The following DPF3 variants were observed in gnomAD, a reference collection of about 807,000 sequenced individuals.
DPF3 encodes the protein zinc finger protein DPF3.
Under a neutral mutation model 56.8 loss-of-function variants are expected in DPF3, and 18 were observed. The ratio of observed to expected loss-of-function variants is 0.32; its 90% CI spans 0.22 to 0.47. The LOEUF is 0.47. DPF3 is among the 20% of genes least tolerant of loss of function. The pLI, the probability that DPF3 is intolerant of heterozygous loss-of-function variation, is 1.00. For synonymous variants in DPF3, 188 were observed against 180.2 expected, an observed-to-expected ratio of 1.04 and a Z score of -0.35; for missense variants, 403 against 488.8, an observed-to-expected ratio of 0.82 and a Z score of 1.65.
chr14:72,678,167 C>T (rs182054447), intron 7 of DPF3, among the ~76,000 whole-genome samples: 6 of 152,308 alleles, frequency 3.9e-5, no homozygotes, highest in East Asian at 3.9e-4. Context: ...TTGGGCTCTT[C>T]GAAGGCAGGT....
intron 1 of DPF3, among the ~76,000 whole-genome samples, chr14:72,798,210 C>CA (rs1183665466): frequency 7.4e-6 from 1 of 135,204 alleles, no homozygotes; most frequent in Non-Finnish European, 1.5e-5. Flanking sequence ...GCCAGGATCG[C>CA]ACCACGGCAC....
At chr14:72,657,960 GAAAAC>G (rs1377799091) in intron 8 of DPF3, among the ~76,000 whole-genome samples, 1 of 151,826 alleles carries the variant, frequency 6.6e-6, no homozygotes, top group Non-Finnish European at 1.5e-5. Context: ...CCCAACAAAA[GAAAAC>G]AAAACCAGAA....
chr14:72,756,822 C>CAGAAAGAGAGAAAGAAAGAA (rs1197343194), intron 2 of DPF3, among the ~76,000 whole-genome samples: 4 of 70,008 alleles, frequency 5.7e-5, no homozygotes, highest in Admixed American at 3.5e-4. Context: ...GAAAGAAAGA[C>CAGAAAGAGAGAAAGAAAGAA]AGAAAGAAAG....
chr14:72,868,574 C>T (rs1885772298), intron 1 of DPF3, among the ~76,000 whole-genome samples: 1 of 152,158 alleles, frequency 6.6e-6, no homozygotes, highest in African/African-American at 2.4e-5. Flanking sequence ...ACAGGTGCCC[C>T]TCCTGTAGGT....
At chr14:72,858,208 T>G (rs1885244234) in intron 1 of DPF3, among the ~76,000 whole-genome samples, 1 of 150,500 alleles carries the variant, frequency 6.6e-6, no homozygotes, top group Non-Finnish European at 1.5e-5. Flanking sequence ...CTCAGGAGGC[T>G]AAGGTGGGAC....
intron 2 of DPF3, among the ~76,000 whole-genome samples, chr14:72,761,214 A>G (rs1891057924): frequency 6.6e-6 from 1 of 152,140 alleles, no homozygotes; most frequent in Non-Finnish European, 1.5e-5. Context: ...AACATTATCA[A>G]CCAATTTGAC....
intron 6 of DPF3, among the ~76,000 whole-genome samples, chr14:72,707,678 G>A (rs537512365): frequency 2.5e-4 from 13 of 52,538 alleles, no homozygotes; most frequent in African/African-American, 5.1e-4. Context: ...TTCTGTGTGC[G>A]TGTGTGTGTG....
chr14:72,717,864 C>G (rs1291138228), intron 5 of DPF3, among the ~76,000 whole-genome samples: 1 of 152,208 alleles, frequency 6.6e-6, no homozygotes, highest in African/African-American at 2.4e-5. Context: ...ACTGCCCACC[C>G]TACTTCATTC....
rs369878865 is a variant in DPF3 at position 72,853,733 on chromosome 14, G to A, written c.32+40324C>T. Among the ~76,000 whole-genome samples, 13 of 152,160 alleles carry A rather than the reference G, an allele frequency of 8.5e-5. No homozygotes were observed. The East Asian group carries it at 2.3e-3, about 27-fold the overall frequency. Reference sequence around the variant, plus strand: ...GCCTGCCTTAGGCTCCCAAAGACCTGGGATTACAGGCATGAGCCACCATGC... The same window carrying A: ...GCCTGCCTTAGGCTCCCAAAGACCTAGGATTACAGGCATGAGCCACCATGC... On this transcript the variant is annotated intron_variant, in intron 1 of 10. Transcript: ENST00000556509.
intron 8 of DPF3, among the ~76,000 whole-genome samples, chr14:72,638,573 C>T (rs1885452548): frequency 6.6e-6 from 1 of 152,174 alleles, no homozygotes; most frequent in Non-Finnish European, 1.5e-5. Flanking sequence ...CCATGATCCT[C>T]CAACTGCTGA....
Position 72,613,256 on chromosome 14 carries a change from A to G in DPF3, c.*6041T>C, listed in dbSNP as rs1883868661. ...CTGCCATTTCCTACAAGGCCCACTT[A>G]CCTGCCCTCCCGTCCCCACCATGGC... On this transcript the variant is annotated 3_prime_UTR_variant, in exon 11 of 11. Transcript: ENST00000556509. Among the ~76,000 whole-genome samples, 1 of 152,020 alleles carries G rather than the reference A, an allele frequency of 6.6e-6. No homozygotes were observed. The highest frequency in any genetic ancestry group is 1.5e-5 in the Non-Finnish European group (1 of 67,998).
intron 1 of DPF3, among the ~76,000 whole-genome samples, chr14:72,881,062 A>T (rs1046214665): frequency 6.6e-5 from 10 of 152,266 alleles, no homozygotes; most frequent in Non-Finnish European, 1.5e-4. Flanking sequence ...CGCATAAAGC[A>T]GCAGGAAGAC....
chr14:72,864,418 G>A (rs528050263), intron 1 of DPF3, among the ~76,000 whole-genome samples: 100 of 152,312 alleles, frequency 6.6e-4, no homozygotes, highest in Non-Finnish European at 1.2e-3. Context: ...ACTGGACTGC[G>A]GGCTCCATGA....
At chr14:72,652,460 T>A (rs1221974871) in intron 8 of DPF3, among the ~76,000 whole-genome samples, 1 of 152,026 alleles carries the variant, frequency 6.6e-6, no homozygotes, top group Non-Finnish European at 1.5e-5. Flanking sequence ...AGGATGGTGC[T>A]GGGGGGAGGC....
At chr14:72,875,029 C>G (rs570979347) in intron 1 of DPF3, among the ~76,000 whole-genome samples, 2 of 152,132 alleles carry the variant, frequency 1.3e-5, no homozygotes, top group African/African-American at 4.8e-5. Flanking sequence ...TATATGGCAG[C>G]AGCAAGAGAA....
At position 72,637,163 on chromosome 14, in the gene DPF3, G is replaced by T. The variant is rs535321554; in HGVS notation, c.872-7427C>A. Among the ~76,000 whole-genome samples, 38 of 152,286 alleles carry T rather than the reference G, an allele frequency of 2.5e-4. No individual in the cohort carries two copies. The South Asian group carries it at 7.7e-3, about 31-fold the overall frequency. ...GGCTAAACAGCCAAGGGCTCATGGC[G>T]CCATTCTCAAATGGTCCTAGAAATT... On this transcript the variant is annotated intron_variant, in intron 8 of 10. Transcript: ENST00000556509.
intron 1 of DPF3, among the ~76,000 whole-genome samples, chr14:72,796,302 G>A (rs1217386914): frequency 2.6e-5 from 4 of 152,152 alleles, no homozygotes; most frequent in African/African-American, 9.7e-5. Flanking sequence ...AGGAGTTTGA[G>A]ACCAGCCTGG....
chr14:72,737,319 A>G (rs1567216574), intron 3 of DPF3, among the ~76,000 whole-genome samples: 2 of 152,150 alleles, frequency 1.3e-5, no homozygotes, highest in East Asian at 3.9e-4. Context: ...CAAAGCCACA[A>G]GCTTTTGACA....
intron 1 of DPF3, among the ~76,000 whole-genome samples, chr14:72,853,698 C>T (rs952963470): frequency 6.6e-6 from 1 of 152,060 alleles, no homozygotes; most frequent in African/African-American, 2.4e-5. Context: ...AACTCCTGAC[C>T]TTGTGATCTG....
Sources: gnomAD v4.1 joint callset for allele counts (sites outside exome capture counted in the v4.1 genomes callset) on GRCh38, gnomAD v4.1.1 for gene constraint, MANE v1.5 for transcripts, NCBI Gene and HGNC (gene_info 2026-07-23, HGNC 2026-07-21) for gene names.